The following RGS6 variants were observed in gnomAD, a reference collection of about 807,000 sequenced individuals.
The protein encoded by RGS6 is regulator of G protein signaling 6.
A neutral mutation model predicts 78.5 loss-of-function variants in RGS6; 30 were observed. The ratio of observed to expected loss-of-function variants is 0.38; its 90% CI spans 0.29 to 0.52. The LOEUF is 0.52. RGS6 is among the 20% of genes least tolerant of loss of function. The pLI is 0.85. For synonymous variants in RGS6, 206 were observed against 206.0 expected (o/e 1.00, Z 0.00); for missense variants, 495 against 609.7 (o/e 0.81, Z 1.98).
At chr14:72,228,384 AAAT>A (rs936295783) in intron 2 of RGS6, among the ~76,000 whole-genome samples, 20 of 147,376 alleles carry the variant, frequency 1.4e-4, no homozygotes, top group African/African-American at 5.1e-4. Context: ...CTGTCTCAAA[AAAT>A]AATAATAATA....
chr14:72,067,187 C>G (rs116952990), intron 2 of RGS6, among the ~76,000 whole-genome samples: 56 of 152,242 alleles, frequency 3.7e-4, no homozygotes, highest in Non-Finnish European at 7.1e-4. Context: ...AGTAATGCGT[C>G]ATTCCCAGCA....
intron 2 of RGS6, among the ~76,000 whole-genome samples, chr14:72,022,975 A>G (rs193166719): frequency 1.3e-5 from 2 of 152,248 alleles, no homozygotes; most frequent in East Asian, 1.9e-4. Flanking sequence ...GCCCCAGCTC[A>G]GACTCCACCT....
rs540714282 is a variant in RGS6, at chr14:72,006,614, G to A, written c.84+41739G>A. ...CTTGTCAAGCCTTCAGGTATTACAG[G>A]CCTGGCCATCAGCTTGATTGCAAAC... On this transcript the variant is annotated intron_variant, in intron 2 of 17. Transcript: ENST00000553525. Among the ~76,000 whole-genome samples, 3 of 152,330 alleles carry A rather than the reference G, an allele frequency of 2.0e-5. No individual in the cohort carries two copies. The East Asian group carries it at 5.8e-4, about 29-fold the overall frequency.
intron 2 of RGS6, among the ~76,000 whole-genome samples, chr14:72,080,024 T>C (rs2094750266): frequency 1.3e-5 from 2 of 152,178 alleles, no homozygotes; most frequent in South Asian, 4.1e-4. Context: ...TTCAGCACAC[T>C]GATTTCAATT....
At chr14:72,258,101 T>G (rs1280191689) in intron 2 of RGS6, among the ~76,000 whole-genome samples, 1 of 152,170 alleles carries the variant, frequency 6.6e-6, no homozygotes, top group Non-Finnish European at 1.5e-5. Flanking sequence ...TGGAGCACTC[T>G]CTGGGGATTT....
At chr14:72,302,419 G>A (rs2066273893) in intron 2 of RGS6, among the ~76,000 whole-genome samples, 1 of 152,194 alleles carries the variant, frequency 6.6e-6, no homozygotes, top group South Asian at 2.1e-4. Context: ...AAGACACAAT[G>A]CAAAAGTTCG....
chr14:71,884,906 G>A, the RGS6 span, among the ~76,000 whole-genome samples: 1 of 152,106 alleles, frequency 6.6e-6, no homozygotes, highest in African/African-American at 2.4e-5. Flanking sequence ...TGGTATAAGG[G>A]CAGGCACCTG....
the RGS6 span, among the ~76,000 whole-genome samples, chr14:71,904,323 G>T: frequency 1.3e-5 from 2 of 152,138 alleles, no homozygotes; most frequent in Non-Finnish European, 2.9e-5. Flanking sequence ...CCTGACACAG[G>T]GATTGATTTA....
intron 3 of RGS6, among the ~76,000 whole-genome samples, chr14:72,406,717 C>T (rs1261042390): frequency 6.6e-6 from 1 of 152,184 alleles, no homozygotes; most frequent in African/African-American, 2.4e-5. Context: ...AGATATGCAA[C>T]AGTATAGGTA....
At chr14:72,368,197 T>G (rs901031438) in intron 3 of RGS6, among the ~76,000 whole-genome samples, 1 of 152,158 alleles carries the variant, frequency 6.6e-6, no homozygotes. Flanking sequence ...AAATGGAAGG[T>G]GCATGTGTGT....
At chr14:72,149,359 G>A (rs182083802) in intron 2 of RGS6, among the ~76,000 whole-genome samples, 3 of 152,180 alleles carry the variant, frequency 2.0e-5, no homozygotes, top group Non-Finnish European at 4.4e-5. Flanking sequence ...CTCTTCAATG[G>A]GGGGAGTGTT....
At chr14:71,883,430 A>T in the RGS6 span, among the ~76,000 whole-genome samples, 1 of 152,190 alleles carries the variant, frequency 6.6e-6, no homozygotes, top group African/African-American at 2.4e-5. Flanking sequence ...CCTGATTGCT[A>T]TACTAAGCTG....
the RGS6 span, among the ~76,000 whole-genome samples, chr14:72,612,993 CGTGTGTGTGTGT>C: frequency 2.6e-4 from 38 of 148,952 alleles, no homozygotes; most frequent in East Asian, 5.1e-3. Flanking sequence ...TTAAGTAGGG[CGTGTGTGTGTGT>C]GTGTGTGTGT....
At chr14:71,948,703 G>T in intron 1 of RGS6, among the ~76,000 whole-genome samples, 1 of 140,416 alleles carries the variant, frequency 7.1e-6, no homozygotes, top group East Asian at 2.1e-4. Flanking sequence ...TTTTCCCATT[G>T]GTAACTGCTA....
intron 3 of RGS6, among the ~76,000 whole-genome samples, chr14:72,404,931 T>C (rs192129995): frequency 7.2e-5 from 11 of 152,222 alleles, no homozygotes; most frequent in African/African-American, 2.6e-4. Context: ...GCCAGGAAGA[T>C]CTGTCAGGAT....
intron 15 of RGS6, among the ~76,000 whole-genome samples, chr14:72,525,176 G>A (rs766846443): frequency 6.6e-5 from 10 of 152,188 alleles, no homozygotes; most frequent in Admixed American, 2.6e-4. Context: ...TCAAAGAAGC[G>A]GGGGACAATT....
intron 2 of RGS6, among the ~76,000 whole-genome samples, chr14:72,319,886 G>A (rs558770091): frequency 2.3e-4 from 35 of 152,170 alleles, no homozygotes; most frequent in Non-Finnish European, 4.1e-4. Context: ...CATAAACAAA[G>A]ATATAATTCT....
intron 3 of RGS6, among the ~76,000 whole-genome samples, chr14:72,413,227 G>T (rs1946530730): frequency 6.6e-6 from 1 of 152,154 alleles, no homozygotes; most frequent in African/African-American, 2.4e-5. Flanking sequence ...GTCACTAAGG[G>T]CTTGCTTTAT....
intron 2 of RGS6, among the ~76,000 whole-genome samples, chr14:72,293,959 C>T (rs2064165501): frequency 6.6e-6 from 1 of 152,164 alleles, no homozygotes; most frequent in Middle Eastern, 3.2e-3. Flanking sequence ...TTTGCCAATC[C>T]CTGGGCTAAG....
Sources: allele counts gnomAD v4.1 joint callset (sites outside exome capture counted in the v4.1 genomes callset), GRCh38; gene constraint gnomAD v4.1.1; transcripts MANE v1.5; gene names NCBI Gene and HGNC (gene_info 2026-07-23, HGNC 2026-07-21).